Variants in CHCT1 observed in about 807,000 individuals in gnomAD.
The protein encoded by CHCT1 is CHD1 helical C-terminal domain containing protein 1.
the CHCT1 span, chr17:60,426,394 T>C: frequency 6.9e-7 from 1 of 1,458,198 alleles, no homozygotes; most frequent in Non-Finnish European, 9.2e-7. Flanking sequence ...CCCCTCTTCA[T>C]TCAAGGGGAC....
chr17:60,424,953 G>A, the CHCT1 span, among the ~76,000 whole-genome samples: 28 of 152,176 alleles, frequency 1.8e-4, 1 homozygote, highest in Admixed American at 1.6e-3. Flanking sequence ...GAAGCATTGC[G>A]TTTTCTCTTT....
the CHCT1 span, among the ~76,000 whole-genome samples, chr17:60,424,888 C>T: frequency 6.6e-6 from 1 of 151,950 alleles, no homozygotes; most frequent in Admixed American, 6.6e-5. Flanking sequence ...ATTCCATAGA[C>T]CCTGTTACAA....
the CHCT1 span, among the ~76,000 whole-genome samples, chr17:60,424,905 T>C: frequency 6.6e-6 from 1 of 151,900 alleles, no homozygotes; most frequent in East Asian, 1.9e-4. Context: ...ACAAGGATAC[T>C]CCCTTAACTG....
the CHCT1 span, chr17:60,422,615 G>T: frequency 6.4e-7 from 1 of 1,550,918 alleles, no homozygotes; most frequent in Admixed American, 2.0e-5. Flanking sequence ...GATGGGCAAG[G>T]GGGTGAAGGG....
chr17:60,430,752 A>T, the CHCT1 span, among the ~76,000 whole-genome samples: 2 of 152,262 alleles, frequency 1.3e-5, no homozygotes, highest in East Asian at 3.9e-4. Context: ...AAGTGCTGGG[A>T]TTACAGGCGT....
the CHCT1 span, among the ~76,000 whole-genome samples, chr17:60,430,131 T>C: frequency 9.3e-5 from 13 of 140,418 alleles, no homozygotes; most frequent in Non-Finnish European, 1.6e-4. Context: ...GCTTTTTTTT[T>C]TTTTTTTTTT....
chr17:60,430,554 C>T, the CHCT1 span, among the ~76,000 whole-genome samples: 1 of 152,216 alleles, frequency 6.6e-6, no homozygotes, highest in Non-Finnish European at 1.5e-5. Context: ...GATCTCAGCT[C>T]ACTGCAACCT....
At chr17:60,422,534 C>T in the CHCT1 span, 3 of 1,546,364 alleles carry the variant, frequency 1.9e-6, no homozygotes, top group African/African-American at 2.8e-5. Context: ...AGCAGTGGGT[C>T]AGAAGCCAGA....
the CHCT1 span, chr17:60,422,494 G>T: frequency 3.9e-6 from 6 of 1,535,664 alleles, no homozygotes; most frequent in East Asian, 2.5e-5. Flanking sequence ...GAGCCAAACC[G>T]CCCACTCCCT....
the CHCT1 span, chr17:60,421,585 G>A: frequency 4.1e-6 from 4 of 984,640 alleles, no homozygotes; most frequent in East Asian, 1.1e-4. Flanking sequence ...GCTCGAGTGA[G>A]GAAACTGCGG....
chr17:60,425,454 A>T, the CHCT1 span, among the ~76,000 whole-genome samples: 1 of 152,232 alleles, frequency 6.6e-6, no homozygotes, highest in Non-Finnish European at 1.5e-5. Context: ...CAGCAGGCAT[A>T]TAAACCTGTT....
At chr17:60,431,349 C>T in the CHCT1 span, 2 of 974,252 alleles carry the variant, frequency 2.1e-6, no homozygotes, top group Non-Finnish European at 1.5e-6. Context: ...AAGAATTGTC[C>T]TTATCAAAAA....
the CHCT1 span, chr17:60,429,524 G>C: frequency 6.2e-7 from 1 of 1,614,204 alleles, no homozygotes; most frequent in Non-Finnish European, 8.5e-7. Context: ...CCCCCTGCCT[G>C]GGCAGCCAAG....
At chr17:60,426,064 C>G in the CHCT1 span, 3 of 1,395,084 alleles carry the variant, frequency 2.2e-6, no homozygotes, top group African/African-American at 2.9e-5. Context: ...CTGGGCCACT[C>G]AGGGCTGCGG....
At chr17:60,423,960 C>T in the CHCT1 span, among the ~76,000 whole-genome samples, 2 of 152,156 alleles carry the variant, frequency 1.3e-5, no homozygotes, top group Non-Finnish European at 2.9e-5. Context: ...AGGCTGTACA[C>T]GAAGCATCTG....
At chr17:60,421,671 G>A in the CHCT1 span, 1 of 895,270 alleles carries the variant, frequency 1.1e-6, no homozygotes, top group South Asian at 5.1e-5. Context: ...GCCGCGCCAG[G>A]GGCGAGGGTC....
the CHCT1 span, chr17:60,422,546 G>A: frequency 1.3e-6 from 2 of 1,548,856 alleles, no homozygotes; most frequent in Admixed American, 2.0e-5. Context: ...GAAGCCAGAG[G>A]GGACGTGGGG....
chr17:60,426,992 G>A, the CHCT1 span: 1 of 769,320 alleles, frequency 1.3e-6, no homozygotes, highest in Non-Finnish European at 1.6e-6. Context: ...AGAGTGGGCT[G>A]AAGAGGCCGA....
the CHCT1 span, chr17:60,426,617 G>A: frequency 1.4e-6 from 2 of 1,448,438 alleles, no homozygotes; most frequent in Non-Finnish European, 1.9e-6. Context: ...AAAGGGGCAT[G>A]TGGCCCATAT....
Sources: gnomAD v4.1 joint callset for allele counts (sites outside exome capture counted in the v4.1 genomes callset) on GRCh38, gnomAD v4.1.1 for gene constraint, MANE v1.5 for transcripts, NCBI Gene and HGNC (gene_info 2026-07-23, HGNC 2026-07-21) for gene names.